The following PARD3B variants were observed in gnomAD, a reference collection of about 807,000 sequenced individuals.
The protein encoded by PARD3B is partitioning defective 3 homolog B.
In PARD3B, 103 loss-of-function variants were observed where a neutral mutation model predicts 130.2. That is an observed-to-expected ratio of 0.79 (90% CI 0.67 to 0.93). The LOEUF is 0.93. Ranked by LOEUF, PARD3B falls within the 40% of genes least tolerant of loss-of-function variation. The pLI is 0.00. For missense variants in PARD3B, 1,609 were observed against 1,499.2 expected (o/e 1.07, Z -1.21); for synonymous variants, 583 against 553.2 (o/e 1.05, Z -0.76).
rs376496673 is a variant in PARD3B at position 205,356,521 on chromosome 2, C to T, written c.2631-44492C>T. On this transcript the variant is annotated intron_variant, in intron 18 of 22. Transcript: ENST00000406610. ...GGGATTTTAGGTGTGAGCCACTGCA[C>T]CTGGCTGAGATTATTTTTTAAATTG... Among the ~76,000 whole-genome samples, 163 of 152,176 alleles carry T rather than the reference C, an allele frequency of 1.1e-3. 1 individual carries two copies. The highest frequency in any genetic ancestry group is 3.7e-3 in the African/African-American group (155 of 41,530).
At chr2:204,930,787 C>G (rs774372003) in intron 2 of PARD3B, among the ~76,000 whole-genome samples, 1 of 152,100 alleles carries the variant, frequency 6.6e-6, no homozygotes, top group Admixed American at 6.6e-5. Flanking sequence ...CTTGCTTGTT[C>G]AGACAGTTCT....
At chr2:204,773,579 A>G (rs947079515) in intron 2 of PARD3B, among the ~76,000 whole-genome samples, 2 of 152,046 alleles carry the variant, frequency 1.3e-5, no homozygotes, top group African/African-American at 4.8e-5. Context: ...CGTACATTTA[A>G]TTTTTCTATT....
chr2:204,895,508 A>C (rs964298235), intron 2 of PARD3B, among the ~76,000 whole-genome samples: 1 of 152,108 alleles, frequency 6.6e-6, no homozygotes, highest in Non-Finnish European at 1.5e-5. Flanking sequence ...TTAAATTTAT[A>C]TTAATTTATT....
At position 205,564,003 on chromosome 2, in the gene PARD3B, A is replaced by G. The variant is rs559224665; in HGVS notation, c.3260+10600A>G. Among the ~76,000 whole-genome samples, 6 of 152,328 alleles carry G rather than the reference A, an allele frequency of 3.9e-5. No individual in the cohort carries two copies. The highest frequency in any genetic ancestry group is 1.3e-4 in the Admixed American group (2 of 15,296). On this transcript the variant is annotated intron_variant, in intron 22 of 22. Transcript: ENST00000406610. This position sits in a 1 kb window ranked among gnomAD's most constrained non-coding sequence, Gnocchi z 4.6. Reference sequence around the variant, plus strand: ...AAGAACTCTGGCAAGTACTTTAAATATGTCACCTCATTTATTTCCTGTAAC... The same window carrying G: ...AAGAACTCTGGCAAGTACTTTAAATGTGTCACCTCATTTATTTCCTGTAAC...
At chr2:205,503,813 A>ATGT (rs1337753164) in intron 21 of PARD3B, among the ~76,000 whole-genome samples, 1 of 151,816 alleles carries the variant, frequency 6.6e-6, no homozygotes, top group African/African-American at 2.4e-5. Context: ...TGAGCATGGA[A>ATGT]TGTTCTTCCA....
intron 4 of PARD3B, among the ~76,000 whole-genome samples, chr2:205,057,371 TATATAC>T (rs1365135641): frequency 3.7e-4 from 32 of 86,220 alleles, no homozygotes; most frequent in African/African-American, 6.2e-4. Flanking sequence ...GTATATGTGT[TATATAC>T]ATATACATAT....
At chr2:205,004,413 T>C (rs932012352) in intron 3 of PARD3B, among the ~76,000 whole-genome samples, 1 of 152,178 alleles carries the variant, frequency 6.6e-6, no homozygotes, top group Non-Finnish European at 1.5e-5. Flanking sequence ...GTTATAAAAA[T>C]AAATGAAATC....
intron 22 of PARD3B, among the ~76,000 whole-genome samples, chr2:205,580,681 A>C (rs1312763285): frequency 6.6e-5 from 10 of 152,232 alleles, no homozygotes; most frequent in Admixed American, 5.9e-4. Flanking sequence ...ATCACGAAGA[A>C]TTGAACTTGG....
intron 2 of PARD3B, among the ~76,000 whole-genome samples, chr2:204,781,211 T>G (rs372188465): frequency 6.6e-6 from 1 of 152,170 alleles, no homozygotes; most frequent in African/African-American, 2.4e-5. Context: ...AAGGAGAATA[T>G]AGTGACAAAA....
intron 18 of PARD3B, among the ~76,000 whole-genome samples, chr2:205,319,722 T>G (rs981605096): frequency 6.6e-6 from 1 of 152,192 alleles, no homozygotes; most frequent in East Asian, 1.9e-4. Context: ...CATTCAACAA[T>G]GGATTGCTGA....
intron 3 of PARD3B, among the ~76,000 whole-genome samples, chr2:205,027,242 A>G (rs1697101041): frequency 6.6e-6 from 1 of 151,990 alleles, no homozygotes; most frequent in South Asian, 2.1e-4. Flanking sequence ...CATCTTTCTG[A>G]TAATAGCCAT....
chr2:205,290,554 G>C (rs555182404), intron 16 of PARD3B, among the ~76,000 whole-genome samples: 1 of 152,268 alleles, frequency 6.6e-6, no homozygotes, highest in African/African-American at 2.4e-5. Context: ...TGCCTCTCAG[G>C]AATGTGAAGG....
chr2:205,248,941 C>T (rs1559585740), intron 16 of PARD3B, among the ~76,000 whole-genome samples: 1 of 148,118 alleles, frequency 6.8e-6, no homozygotes, highest in Admixed American at 6.7e-5. Context: ...CAGTTAACTT[C>T]TTTTTGTTGT....
chr2:204,697,074 A>G (rs1219635551), intron 2 of PARD3B, among the ~76,000 whole-genome samples: 1 of 152,130 alleles, frequency 6.6e-6, no homozygotes. Flanking sequence ...AATCTTAAAT[A>G]TGCATATACT....
intron 4 of PARD3B, among the ~76,000 whole-genome samples, chr2:205,063,782 G>A (rs756113604): frequency 7.2e-5 from 11 of 152,188 alleles, no homozygotes; most frequent in Non-Finnish European, 1.5e-4. Context: ...TACATATCTT[G>A]GATAAGGGAA....
intron 2 of PARD3B, among the ~76,000 whole-genome samples, chr2:204,792,927 A>G (rs557103579): frequency 3.3e-5 from 5 of 151,698 alleles, no homozygotes; most frequent in Admixed American, 2.6e-4. Flanking sequence ...AGACCCGTTC[A>G]TCACCTGAAT....
chr2:205,185,794 A>G lies in PARD3B; in HGVS notation c.1955A>G (p.Glu652Gly), dbSNP rs758460835. The change falls in exon 14 of 23, where the codon GAG (glutamate) becomes GGG (glycine). Residue 652 changes from glutamate (E) to glycine (G), a missense_variant. Glu to Gly is a moderately conservative substitution (Grantham distance 98). Coordinates refer to ENST00000406610, the MANE Select transcript of PARD3B (RefSeq NM_001302769.2). ...TTGCTGCCCAATGACGGATGGGCCG[A>G]GAGTGAAGTTCCACCTTCTCCAACA... ...GLLLPNDGWAESEVPPSPTPH... is the reference protein window; with the variant it reads ...GLLLPNDGWAGSEVPPSPTPH... 1.2e-6 allele frequency: 2 copies of G among 1,614,012 alleles called. No individual in the cohort carries two copies. Among genetic ancestry groups the G allele is most frequent in the South Asian group, 2.2e-5 (2 of 91,088 alleles).
chr2:204,735,516 C>CA, intron 2 of PARD3B, among the ~76,000 whole-genome samples: 2 of 152,144 alleles, frequency 1.3e-5, no homozygotes, highest in Admixed American at 1.3e-4. Context: ...CTGGACTCTT[C>CA]AAAAAGTTAT....
chr2:204,873,602 C>T lies in PARD3B; in HGVS notation c.223-91550C>T, dbSNP rs1239880675. On this transcript the variant is annotated intron_variant, in intron 2 of 22. Transcript: ENST00000406610. ...GAATACAAATGCTTTTGAGGGTAGG[C>T]AAACAGTACATGAGTTTGAAAAACA... is the stretch of plus-strand genomic sequence containing the variant. Among the ~76,000 whole-genome samples, 3 of 152,102 alleles carry T rather than the reference C, an allele frequency of 2.0e-5. No homozygotes were observed. In the South Asian group the frequency reaches 6.2e-4, roughly 32 times the overall value.
Sources: allele counts gnomAD v4.1 joint callset (sites outside exome capture counted in the v4.1 genomes callset), GRCh38; gene constraint gnomAD v4.1.1; non-coding constraint Gnocchi (gnomAD v3.1); transcripts MANE v1.5; gene names NCBI Gene and HGNC (gene_info 2026-07-23, HGNC 2026-07-21).